The following PTPN13 variants were observed in gnomAD, a reference collection of about 807,000 sequenced individuals.
PTPN13 encodes protein tyrosine phosphatase non-receptor type 13, also known as tyrosine-protein phosphatase non-receptor type 13.
In PTPN13, 191 loss-of-function variants were observed where a neutral mutation model predicts 284.0. The observed-to-expected ratio is 0.67, with a 90% CI of 0.60 to 0.76. The LOEUF (loss-of-function observed/expected upper bound fraction) is 0.76, where lower values mean the gene tolerates loss of function less well. Among genes scored for constraint, PTPN13 ranks in the 30% least tolerant of loss-of-function variants. The pLI, the probability that PTPN13 is intolerant of heterozygous loss-of-function variation, is 0.00. For missense variants in PTPN13, 2,797 were observed against 2,939.9 expected (o/e 0.95, Z 1.12); for synonymous variants, 986 against 1,022.3 (o/e 0.96, Z 0.68).
chr4:86,616,670 CTT>C (rs1720581931), intron 1 of PTPN13, among the ~76,000 whole-genome samples: 1 of 152,106 alleles, frequency 6.6e-6, no homozygotes, highest in Non-Finnish European at 1.5e-5. Flanking sequence ...CCCACCCACT[CTT>C]TCTCTCCCTT....
At chr4:86,778,713 G>T (rs1316023578) in intron 35 of PTPN13, among the ~76,000 whole-genome samples, 1 of 152,030 alleles carries the variant, frequency 6.6e-6, no homozygotes, top group Non-Finnish European at 1.5e-5. Context: ...TCAGCAAAAT[G>T]ATTTCTTTCT....
Position 86,715,235 on chromosome 4 carries a change from C to CGTGT in PTPN13, c.1196-1288_1196-1285dup, listed in dbSNP as rs369481925. Among the ~76,000 whole-genome samples the CGTGT allele has an allele frequency of 2.6e-5, 4 of 151,228 alleles. No homozygotes were observed. The East Asian group carries it at 7.8e-4, about 30-fold the overall frequency. On this transcript the variant is annotated intron_variant, in intron 7 of 47. Transcript: ENST00000411767. The stretch of plus-strand genomic sequence containing the variant: ...TTGTGTGTATGTGTGTGTGTATATA[C>CGTGT]GTGTGTGTGTATATATGTGTATATA...
chr4:86,743,611 G>C (rs1736407187), intron 16 of PTPN13, among the ~76,000 whole-genome samples: 1 of 152,098 alleles, frequency 6.6e-6, no homozygotes, highest in African/African-American at 2.4e-5. Flanking sequence ...AAAGAAAACA[G>C]GTTTAATCCT....
At chr4:86,713,950 T>C (rs1732714026) in intron 7 of PTPN13, among the ~76,000 whole-genome samples, 1 of 151,980 alleles carries the variant, frequency 6.6e-6, no homozygotes, top group Non-Finnish European at 1.5e-5. Context: ...ATGAAGACTG[T>C]CCTCAGGTTT....
Position 86,807,802 on chromosome 4 carries a change from A to T in PTPN13, c.6988A>T (p.Thr2330Ser). The change falls in exon 45 of 48, where the codon ACA becomes TCA. Residue 2330 changes from threonine (T) to serine (S), a missense_variant. Coordinates refer to ENST00000411767, the MANE Select transcript of PTPN13 (RefSeq NM_080683.3). ...CTATTGGCCCAACATCCTAGGCAAA[A>T]CAACAATGGTCAGCAACAGACTTCG... ...QRYWPNILGK[T>S]TMVSNRLRLA... The T allele has an allele frequency of 6.2e-7, 1 of 1,614,058 alleles. No individual in the cohort carries two copies. Among genetic ancestry groups the T allele is most frequent in the Non-Finnish European group, 8.5e-7 (1 of 1,179,900 alleles).
intron 3 of PTPN13, among the ~76,000 whole-genome samples, chr4:86,675,644 A>G (rs1411198408): frequency 6.6e-6 from 1 of 152,148 alleles, no homozygotes; most frequent in Non-Finnish European, 1.5e-5. Flanking sequence ...CTTACTATCA[A>G]CTATGTAAAC....
chr4:86,676,488 GTCCAGCAAC>G (rs1728285359), intron 3 of PTPN13, among the ~76,000 whole-genome samples: 2 of 152,110 alleles, frequency 1.3e-5, no homozygotes, highest in African/African-American at 4.8e-5. Context: ...TTACCATATG[GTCCAGCAAC>G]TCCACTTCTG....
At chr4:86,753,281 A>T (rs1002432966) in intron 20 of PTPN13, among the ~76,000 whole-genome samples, 1 of 152,138 alleles carries the variant, frequency 6.6e-6, no homozygotes, top group African/African-American at 2.4e-5. Context: ...AGATAAGGAC[A>T]CTAATTGGGA....
At chr4:86,724,043 GAC>G (rs1430836867) in intron 10 of PTPN13, among the ~76,000 whole-genome samples, 2 of 152,154 alleles carry the variant, frequency 1.3e-5, no homozygotes, top group African/African-American at 4.8e-5. Flanking sequence ...CAAATTGGAA[GAC>G]ATGTATTCTA....
In PTPN13 at chr4:86,785,385, A is replaced by G; in HGVS notation, c.6256+17A>G. 4 of 1,604,346 alleles carry G rather than the reference A, an allele frequency of 2.5e-6. No individual in the cohort carries two copies. The highest frequency in any genetic ancestry group is 3.4e-6 in the Non-Finnish European group (4 of 1,175,910). ...GTGGTCCAGGTACGTGAACCAGATG[A>G]ATAAATTGGTATACTATGGAGTACA... is the stretch of plus-strand genomic sequence containing the variant. On this transcript the variant is annotated intron_variant, in intron 39 of 47. Transcript: ENST00000411767.
intron 1 of PTPN13, among the ~76,000 whole-genome samples, chr4:86,623,517 C>T (rs893795545): frequency 1.3e-5 from 2 of 152,148 alleles, no homozygotes; most frequent in African/African-American, 4.8e-5. Context: ...TATGCATCTC[C>T]TCAAACCATA....
chr4:86,737,177 G>A (rs1735613979), intron 15 of PTPN13, among the ~76,000 whole-genome samples: 1 of 151,774 alleles, frequency 6.6e-6, no homozygotes, highest in African/African-American at 2.4e-5. Context: ...GTTTGAGGCT[G>A]CAGTAAGCTT....
intron 41 of PTPN13, 140 bp from the exon 42 acceptor site, chr4:86,798,961 A>C (rs955303070): frequency 5.3e-5 from 30 of 564,676 alleles, no homozygotes; most frequent in Non-Finnish European, 8.9e-5. Context: ...CTACCAATAA[A>C]TTTTAAGAAT....
chr4:86,721,328 A>G (rs111447293), intron 9 of PTPN13, among the ~76,000 whole-genome samples: 1 of 152,052 alleles, frequency 6.6e-6, no homozygotes, highest in African/African-American at 2.4e-5. Context: ...TCAGTTATTG[A>G]CTTTACAGGT....
chr4:86,727,083 G>A (rs993435394), intron 10 of PTPN13, among the ~76,000 whole-genome samples: 4 of 149,658 alleles, frequency 2.7e-5, no homozygotes, highest in African/African-American at 9.7e-5. Flanking sequence ...TGTGGTTTTT[G>A]TAGTTGTTTC....
chr4:86,597,552 C>G (rs912577370), intron 1 of PTPN13, among the ~76,000 whole-genome samples: 1 of 152,170 alleles, frequency 6.6e-6, no homozygotes, highest in Non-Finnish European at 1.5e-5. Context: ...AATGTCCCAT[C>G]AAAACTCCCG....
intron 2 of PTPN13, among the ~76,000 whole-genome samples, chr4:86,637,091 A>C (rs1194075829): frequency 6.6e-6 from 1 of 152,222 alleles, no homozygotes; most frequent in Admixed American, 6.5e-5. Context: ...GAAATGGATA[A>C]ATTCCTCGAC....
chr4:86,600,880 A>G (rs1394669288), intron 1 of PTPN13, among the ~76,000 whole-genome samples: 1 of 152,060 alleles, frequency 6.6e-6, no homozygotes, highest in Non-Finnish European at 1.5e-5. Flanking sequence ...TTTGAAGCAA[A>G]AATAATTAGT....
chr4:86,716,639 G>A lies in PTPN13; in HGVS notation c.1291+14G>A. On this transcript the variant is annotated intron_variant, in intron 8 of 47. Transcript: ENST00000411767. ...ATTTCAGACAAGGTAGGAGGCATCT[G>A]AAACAAGCAAACTGTTTTTAAGAAA... is the stretch of plus-strand genomic sequence containing the variant. 6.7e-7 allele frequency: 1 copy of A among 1,491,536 alleles called. No homozygotes were observed. Among genetic ancestry groups the A allele is most frequent in the Non-Finnish European group, 9.1e-7 (1 of 1,095,046 alleles). 92.4% of individuals were successfully genotyped at this position (1,491,536 alleles called of 1,614,324 possible).
Sources: allele counts gnomAD v4.1 joint callset (sites outside exome capture counted in the v4.1 genomes callset), GRCh38; gene constraint gnomAD v4.1.1; transcripts MANE v1.5; gene names NCBI Gene and HGNC (gene_info 2026-07-23, HGNC 2026-07-21).